SOBP: variants seen among roughly 807,000 people sequenced by gnomAD.
The protein encoded by SOBP is sine oculis-binding protein homolog.
SOBP carries 4 observed loss-of-function variants against 53.6 expected under a neutral mutation model. The ratio of observed to expected loss-of-function variants is 0.07; its 90% confidence interval spans 0.04 to 0.17. The LOEUF (loss-of-function observed/expected upper bound fraction) is 0.17. Ranked by LOEUF, SOBP falls within the 10% of genes least tolerant of loss-of-function variation. The probability of loss-of-function intolerance (pLI) is 1.00; values close to 1 mark genes in which losing one functional copy is unlikely to be tolerated. For missense variants in SOBP, 1,088 were observed against 1,204.7 expected, an observed-to-expected ratio of 0.90 and a Z score of 1.43; for synonymous variants, 584 against 522.6, an observed-to-expected ratio of 1.12 and a Z score of -1.60.
rs1245968560 is a variant in SOBP, at chr6:107,659,952, C to T, written c.*1749C>T. On this transcript the variant is annotated 3_prime_UTR_variant, in exon 7 of 7. Transcript: ENST00000317357. ...CCGGGGAGAGATTTATAAAAGTAAA[C>T]AAAAGAAAACCTTCCAGCAACAAAT... 2.0e-5 allele frequency: 3 copies of T among 152,294 alleles called. No individual in the cohort carries two copies. Among genetic ancestry groups the T allele is most frequent in the African/African-American group, 7.2e-5 (3 of 41,530 alleles). The allele number at this position is 152,294 out of a possible 1,614,324, so 9.4% of individuals were successfully genotyped here. A position where few individuals can be genotyped will look rare whatever the true frequency, so the allele number is the denominator to read the frequency against.
intron 1 of SOBP, among the ~76,000 whole-genome samples, chr6:107,495,064 A>G (rs1380886242): frequency 1.3e-5 from 2 of 152,188 alleles, no homozygotes; most frequent in African/African-American, 4.8e-5. Flanking sequence ...TTGAAACTCT[A>G]TCCTGGTGTC....
chr6:107,628,846 T>C (rs1432927022), intron 5 of SOBP, among the ~76,000 whole-genome samples: 1 of 152,178 alleles, frequency 6.6e-6, no homozygotes, highest in East Asian at 1.9e-4. Flanking sequence ...CATTCCAGGG[T>C]AGGGCTGGGA....
At chr6:107,594,335 G>C (rs561404922) in intron 5 of SOBP, among the ~76,000 whole-genome samples, 2 of 152,250 alleles carry the variant, frequency 1.3e-5, no homozygotes, top group South Asian at 4.2e-4. Context: ...TTGCTTTCCA[G>C]TACATCATAG....
rs904956726 is a variant in SOBP, at chr6:107,661,016, C to T, written c.*2813C>T. Among the ~76,000 whole-genome samples, 2 of 152,168 alleles carry T rather than the reference C, an allele frequency of 1.3e-5. No homozygotes were observed. The highest frequency in any genetic ancestry group is 4.8e-5 in the African/African-American group (2 of 41,438). On this transcript the variant is annotated 3_prime_UTR_variant, in exon 7 of 7. Transcript: ENST00000317357. ...GCCCAGCCAAGGACGTGCCAGCGGC[C>T]GAGGCACCCGGCTGTGGTTGTCCTG...
At chr6:107,646,045 T>C (rs574796948) in intron 6 of SOBP, among the ~76,000 whole-genome samples, 2 of 152,322 alleles carry the variant, frequency 1.3e-5, no homozygotes, top group South Asian at 4.1e-4. Context: ...AGCACAAGAA[T>C]GACAAGATGA....
intron 1 of SOBP, among the ~76,000 whole-genome samples, chr6:107,500,520 A>T (rs180783652): frequency 1.5e-3 from 230 of 151,954 alleles, no homozygotes; most frequent in South Asian, 4.4e-3. Flanking sequence ...ATTTAAATTT[A>T]AAAAAAATTT....
At chr6:107,491,556 T>C (rs1180467678) in intron 1 of SOBP, among the ~76,000 whole-genome samples, 1 of 152,258 alleles carries the variant, frequency 6.6e-6, no homozygotes, top group Non-Finnish European at 1.5e-5. Flanking sequence ...AGAGCACCGC[T>C]CAGCTCTGGA....
At chr6:107,583,558 C>T (rs1261797231) in intron 4 of SOBP, among the ~76,000 whole-genome samples, 1 of 152,096 alleles carries the variant, frequency 6.6e-6, no homozygotes, top group Non-Finnish European at 1.5e-5. Flanking sequence ...CAGAGTCTTG[C>T]TCTGTTGCCC....
At chr6:107,562,458 C>T (rs1052934932) in intron 4 of SOBP, among the ~76,000 whole-genome samples, 7 of 152,152 alleles carry the variant, frequency 4.6e-5, no homozygotes, top group Non-Finnish European at 5.9e-5. Context: ...AGACTATGGG[C>T]GGCAGCATAT....
At chr6:107,658,018 G>A (rs1772140193) in intron 6 of SOBP, among the ~76,000 whole-genome samples, 189 bp from the exon 7 acceptor site, 1 of 152,118 alleles carries the variant, frequency 6.6e-6, no homozygotes, top group South Asian at 2.1e-4. Context: ...GGGCTGACCT[G>A]AGCAGACCGT....
chr6:107,562,955 CTA>C (rs1432943819), intron 4 of SOBP, among the ~76,000 whole-genome samples: 1 of 152,134 alleles, frequency 6.6e-6, no homozygotes, highest in African/African-American at 2.4e-5. Flanking sequence ...ACTGTTATCT[CTA>C]TTTTTGCATA....
At chr6:107,653,091 A>G (rs1340972398) in intron 6 of SOBP, among the ~76,000 whole-genome samples, 1 of 152,232 alleles carries the variant, frequency 6.6e-6, no homozygotes, top group Admixed American at 6.5e-5. Context: ...TTAATGAGCT[A>G]TAAGAAAAGA....
chr6:107,644,592 G>A (rs1292011596), intron 6 of SOBP, among the ~76,000 whole-genome samples: 1 of 152,124 alleles, frequency 6.6e-6, no homozygotes, highest in African/African-American at 2.4e-5. Flanking sequence ...ATTTCAAAGT[G>A]ATCACAGGCC....
intron 4 of SOBP, among the ~76,000 whole-genome samples, chr6:107,559,935 A>G (rs1784726771): frequency 1.3e-5 from 2 of 152,264 alleles, no homozygotes; most frequent in South Asian, 4.2e-4. Flanking sequence ...AACTGTGTTC[A>G]ATGCACTGCA....
chr6:107,573,251 T>C (rs1421139672), intron 4 of SOBP, among the ~76,000 whole-genome samples: 1 of 152,152 alleles, frequency 6.6e-6, no homozygotes, highest in Non-Finnish European at 1.5e-5. Context: ...GCATTTGCAG[T>C]GGGATGCTGG....
chr6:107,574,331 T>C (rs1470988647), intron 4 of SOBP, among the ~76,000 whole-genome samples: 1 of 152,150 alleles, frequency 6.6e-6, no homozygotes, highest in Non-Finnish European at 1.5e-5. Context: ...ATTTTCCACA[T>C]CAAAGAATAA....
chr6:107,568,621 G>A lies in SOBP; in HGVS notation c.574-18459G>A, dbSNP rs572672432. Among the ~76,000 whole-genome samples, 41 of 152,330 alleles carry A rather than the reference G, an allele frequency of 2.7e-4. No individual in the cohort carries two copies. The East Asian group carries it at 6.9e-3, about 26-fold the overall frequency. ...GTTGCCCAGACGAAAGGGTTAGGAG[G>A]GGAGAGATGTGTTGAATGAGAAGGA... is the stretch of plus-strand genomic sequence containing the variant. On this transcript the variant is annotated intron_variant, in intron 4 of 6. Coordinates refer to ENST00000317357, the MANE Select transcript of SOBP (RefSeq NM_018013.4).
At chr6:107,560,751 G>C (rs1378127628) in intron 4 of SOBP, among the ~76,000 whole-genome samples, 1 of 152,116 alleles carries the variant, frequency 6.6e-6, no homozygotes, top group Non-Finnish European at 1.5e-5. Context: ...GACCGGGCTG[G>C]GAATGGACTC....
At chr6:107,533,044 T>C (rs1048738323) in intron 3 of SOBP, among the ~76,000 whole-genome samples, 2 of 152,122 alleles carry the variant, frequency 1.3e-5, no homozygotes, top group Admixed American at 6.5e-5. Flanking sequence ...ATTTGTAAGT[T>C]AGCACCCTAC....
Sources: gnomAD v4.1 joint callset for allele counts (sites outside exome capture counted in the v4.1 genomes callset) on GRCh38, gnomAD v4.1.1 for gene constraint, MANE v1.5 for transcripts, NCBI Gene and HGNC (gene_info 2026-07-23, HGNC 2026-07-21) for gene names.